Variants in FGF14 observed in about 807,000 individuals in gnomAD.
FGF14 encodes fibroblast growth factor 14.
In FGF14, 5 loss-of-function variants were observed where a neutral mutation model predicts 25.5. That is an observed-to-expected ratio of 0.20 (90% CI 0.10 to 0.41). The LOEUF is 0.41. Among genes scored for constraint, FGF14 ranks in the 10% least tolerant of loss-of-function variants. FGF14 has a pLI of 1.00. For missense variants in FGF14, 222 were observed against 320.1 expected, an observed-to-expected ratio of 0.69 and a Z score of 2.34; for synonymous variants, 138 against 118.3, an observed-to-expected ratio of 1.17 and a Z score of -1.08.
intron 1 of FGF14, among the ~76,000 whole-genome samples, chr13:102,023,229 C>CT (rs2040760172): frequency 6.6e-6 from 1 of 151,954 alleles, no homozygotes; most frequent in Non-Finnish European, 1.5e-5. Flanking sequence ...ATTTAGAGCA[C>CT]TTATTCAAGG....
intron 3 of FGF14, among the ~76,000 whole-genome samples, chr13:101,754,551 C>T: frequency 6.6e-6 from 1 of 151,722 alleles, no homozygotes; most frequent in East Asian, 1.9e-4. Flanking sequence ...CAACATGGTG[C>T]AACCTCATCT....
intron 1 of FGF14, among the ~76,000 whole-genome samples, chr13:102,153,338 G>C (rs1293540878): frequency 6.6e-6 from 1 of 152,202 alleles, no homozygotes; most frequent in East Asian, 1.9e-4. Flanking sequence ...AATTGATCTA[G>C]AGAATAACAG....
intron 1 of FGF14, among the ~76,000 whole-genome samples, chr13:102,208,857 A>G (rs1182553258): frequency 6.6e-6 from 1 of 152,214 alleles, no homozygotes; most frequent in Non-Finnish European, 1.5e-5. Context: ...GATATTTCGT[A>G]ACACAAACAA....
At position 102,310,077 on chromosome 13, in the gene FGF14, A is replaced by T. The variant is rs9585889; in HGVS notation, c.208+91394T>A. ...TTAGAACTCCTTTTCTTACCCTATA[A>T]AATGAAAAGGTTTGCTTCCTTCTAT... is the stretch of plus-strand genomic sequence containing the variant. On this transcript the variant is annotated intron_variant, in intron 1 of 4. Transcript: ENST00000376131. Among the ~76,000 whole-genome samples the T allele has an allele frequency of 1.3e-3, 191 of 152,310 alleles. 1 individual carries two copies. Among genetic ancestry groups the T allele is most frequent in the African/African-American group, 4.3e-3 (178 of 41,570 alleles).
At chr13:101,770,416 A>T (rs1221326819) in intron 3 of FGF14, among the ~76,000 whole-genome samples, 2 of 152,172 alleles carry the variant, frequency 1.3e-5, no homozygotes, top group Admixed American at 6.6e-5. Flanking sequence ...TCATTAAAAC[A>T]AACATTTGGA....
At chr13:102,214,603 T>C (rs1216582152) in intron 1 of FGF14, among the ~76,000 whole-genome samples, 1 of 152,118 alleles carries the variant, frequency 6.6e-6, no homozygotes, top group Admixed American at 6.5e-5. Flanking sequence ...CACTCACCAC[T>C]CCCTACAGAA....
At position 101,839,523 on chromosome 13, in the gene FGF14, A is replaced by G. The variant is rs1316817453; in HGVS notation, c.408+29202T>C. Among the ~76,000 whole-genome samples the G allele has an allele frequency of 5.3e-5, 8 of 152,104 alleles. No individual in the cohort carries two copies. The East Asian group carries it at 1.6e-3, about 30-fold the overall frequency. ...ATAGCCTCAGAAAACATATATATGT[A>G]TTTTTTGATTTGTAATTTTTGTGGG... is the stretch of plus-strand genomic sequence containing the variant. On this transcript the variant is annotated intron_variant, in intron 3 of 4. Transcript: ENST00000376143.
rs574447460 is a variant in FGF14 at position 101,966,640 on chromosome 13, G to T, written c.209-91344C>A. On this transcript the variant is annotated intron_variant, in intron 1 of 4. Transcript: ENST00000376131. The stretch of plus-strand genomic sequence containing the variant: ...TGGGATTACAGGTGCCCACCACCAC[G>T]CCCAGCTAATTTTTGTATTTTTAGT... Among the ~76,000 whole-genome samples, 26 of 152,058 alleles carry T rather than the reference G, an allele frequency of 1.7e-4. No individual in the cohort carries two copies. The East Asian group carries it at 4.8e-3, about 28-fold the overall frequency.
chr13:101,880,492 G>A (rs894598625), intron 1 of FGF14, among the ~76,000 whole-genome samples: 3 of 152,122 alleles, frequency 2.0e-5, no homozygotes, highest in African/African-American at 2.4e-5. Context: ...GCTTGAACCC[G>A]GGAGGCAGAG....
chr13:102,400,779 G>C lies in FGF14; in HGVS notation c.208+692C>G, dbSNP rs1020238104. Among the ~76,000 whole-genome samples the C allele has an allele frequency of 3.9e-5, 6 of 152,146 alleles. No individual in the cohort carries two copies. In the East Asian group the frequency reaches 9.7e-4, roughly 25 times the overall value. The stretch of plus-strand genomic sequence containing the variant: ...GGGCTTTGACACCGCTTTCTAAAGG[G>C]GGGGACTTCAATTACAAATATTAGA... On this transcript the variant is annotated intron_variant, in intron 1 of 4. Coordinates refer to the FGF14 transcript ENST00000376131. The surrounding 1 kb of genome is among the most constrained non-coding windows in gnomAD (Gnocchi z 4.3).
rs141769783 is a variant in FGF14 at position 102,135,167 on chromosome 13, C to T, written c.209-259871G>A. Among the ~76,000 whole-genome samples, 708 of 152,212 alleles carry T rather than the reference C, an allele frequency of 4.7e-3. 2 individuals carry two copies. Among genetic ancestry groups the T allele is most frequent in the African/African-American group, 0.016 (644 of 41,500 alleles). On this transcript the variant is annotated intron_variant, in intron 1 of 4. Transcript: ENST00000376131. The stretch of plus-strand genomic sequence containing the variant: ...AGGCTATAGTAAGCTATGATCGCAC[C>T]ATCGCACTCCAGCCTGGGTGACAGA...
At chr13:101,736,998 T>A (rs529495065) in intron 3 of FGF14, among the ~76,000 whole-genome samples, 2 of 80,090 alleles carry the variant, frequency 2.5e-5, no homozygotes, top group South Asian at 8.1e-4. Context: ...TTCTAAAAGT[T>A]ATCAGTCTTA....
chr13:101,930,212 A>C (rs1298855992), intron 1 of FGF14, among the ~76,000 whole-genome samples: 1 of 152,224 alleles, frequency 6.6e-6, no homozygotes, highest in African/African-American at 2.4e-5. Context: ...GAAACCCAAC[A>C]AAAACAACAA....
chr13:101,938,522 C>G (rs2035247419), intron 1 of FGF14, among the ~76,000 whole-genome samples: 1 of 152,168 alleles, frequency 6.6e-6, no homozygotes, highest in African/African-American at 2.4e-5. Flanking sequence ...ACTACTCTGC[C>G]AAGTTTGTCC....
At position 101,812,611 on chromosome 13, in the gene FGF14, CTATATATATATATATATATATA is replaced by C. The variant is rs35878751; in HGVS notation, c.408+56092_408+56113del. Among the ~76,000 whole-genome samples, 94 of 12,376 alleles carry C rather than the reference CTATATATATATATATATATATA, an allele frequency of 7.6e-3. 1 individual carries two copies. The highest frequency in any genetic ancestry group is 0.022 in the African/African-American group (73 of 3,278). The allele number at this position is 12,376 out of a possible 152,430, so 8.1% of individuals were successfully genotyped here. ...TCACTATTTTTTTATATTTTTAAAA[CTATATATATATATATATATATA>C]TATATATATATATATATATATTTTT... On this transcript the variant is annotated intron_variant, in intron 3 of 4. Transcript: ENST00000376143.
chr13:101,995,203 G>C (rs1260725746), intron 1 of FGF14, among the ~76,000 whole-genome samples: 1 of 151,982 alleles, frequency 6.6e-6, no homozygotes, highest in East Asian at 1.9e-4. Flanking sequence ...CATTTTTGTT[G>C]TTGTTTTCCC....
chr13:101,723,750 T>C (rs1440693815), intron 4 of FGF14, among the ~76,000 whole-genome samples: 2 of 152,112 alleles, frequency 1.3e-5, no homozygotes, highest in African/African-American at 2.4e-5. Context: ...ATAATCATAG[T>C]AGTTCACGTG....
chr13:102,118,888 A>G (rs994554426), intron 1 of FGF14, among the ~76,000 whole-genome samples: 1 of 152,202 alleles, frequency 6.6e-6, no homozygotes, highest in African/African-American at 2.4e-5. Context: ...TCTGAAAAAA[A>G]TGGTGGTCAA....
chr13:101,809,132 T>C (rs1489816890), intron 3 of FGF14, among the ~76,000 whole-genome samples: 2 of 144,598 alleles, frequency 1.4e-5, no homozygotes, highest in Admixed American at 7.1e-5. Flanking sequence ...GCAAAACTTA[T>C]TTTTTCACAA....
Sources: allele counts gnomAD v4.1 joint callset (sites outside exome capture counted in the v4.1 genomes callset), GRCh38; gene constraint gnomAD v4.1.1; non-coding constraint Gnocchi (gnomAD v3.1); transcripts MANE v1.5; gene names NCBI Gene and HGNC (gene_info 2026-07-23, HGNC 2026-07-21).